The following PLCG2 variants were observed in gnomAD, a reference collection of about 807,000 sequenced individuals.
PLCG2 encodes phospholipase C gamma 2.
Under a neutral mutation model 175.6 loss-of-function variants are expected in PLCG2, and 69 were observed. The observed-to-expected ratio is 0.39, with a 90% CI of 0.32 to 0.48. PLCG2 has a LOEUF of 0.48. Among genes scored for constraint, PLCG2 ranks in the 20% least tolerant of loss-of-function variants. PLCG2 has a pLI of 0.91. For missense variants in PLCG2, 1,798 were observed against 1,650.9 expected (o/e 1.09, Z -1.54); for synonymous variants, 827 against 624.0 (o/e 1.33, Z -4.85).
intron 2 of PLCG2, among the ~76,000 whole-genome samples, chr16:81,788,568 G>T (rs1247409051): frequency 6.6e-6 from 1 of 152,192 alleles, no homozygotes; most frequent in African/African-American, 2.4e-5. Context: ...CCCACTGTCT[G>T]TTTCAGCCAC....
intron 5 of PLCG2, among the ~76,000 whole-genome samples, chr16:81,861,616 G>A (rs1337856577): frequency 6.6e-6 from 1 of 152,192 alleles, no homozygotes; most frequent in African/African-American, 2.4e-5. Context: ...AGGTGCTTGT[G>A]TTGGAAGATT....
At chr16:81,952,815 T>G (rs1471240103) in intron 31 of PLCG2, among the ~76,000 whole-genome samples, 1 of 152,190 alleles carries the variant, frequency 6.6e-6, no homozygotes, top group Non-Finnish European at 1.5e-5. Flanking sequence ...TACTGATGAA[T>G]GCAAAATGAA....
At position 81,857,091 on chromosome 16, in the gene PLCG2, C is replaced by T. The variant is rs541544147; in HGVS notation, c.338-1172C>T. On this transcript the variant is annotated intron_variant, in intron 3 of 32. Transcript: ENST00000564138. ...AAAATAAATCTATATTACTTTAAGT[C>T]ACTAAGTTTGTGGTCATTTGTTATA... is the stretch of plus-strand genomic sequence containing the variant. Among the ~76,000 whole-genome samples, 155 of 135,570 alleles carry T rather than the reference C, an allele frequency of 1.1e-3. 1 individual carries two copies. The highest frequency in any genetic ancestry group is 3.9e-3 in the African/African-American group (154 of 39,602). The allele number at this position is 135,570 out of a possible 152,430, so 88.9% of individuals were successfully genotyped here.
intron 5 of PLCG2, among the ~76,000 whole-genome samples, chr16:81,863,910 G>T (rs962447457): frequency 4.6e-5 from 7 of 152,168 alleles, no homozygotes; most frequent in African/African-American, 7.2e-5. Flanking sequence ...ATCTCATTCA[G>T]CGTGAATGCA....
chr16:81,913,467 C>T (rs1454489867), intron 19 of PLCG2, among the ~76,000 whole-genome samples: 2 of 152,202 alleles, frequency 1.3e-5, no homozygotes, highest in South Asian at 2.1e-4. Context: ...TGGAGTCACA[C>T]AGCCTCATAG....
At chr16:81,774,420 C>T (rs1179149657), upstream of PLCG2, among the ~76,000 whole-genome samples, 1 of 152,124 alleles carries the variant, frequency 6.6e-6, no homozygotes, top group Non-Finnish European at 1.5e-5. Flanking sequence ...GAGGGGTCTG[C>T]CCTCCCCTAC....
intron 22 of PLCG2, among the ~76,000 whole-genome samples, chr16:81,925,734 A>T (rs1267031479): frequency 6.6e-6 from 1 of 152,088 alleles, no homozygotes; most frequent in Admixed American, 6.5e-5. Flanking sequence ...CTAAAAATAC[A>T]AAAATTAGCC....
At chr16:81,830,647 GGTGTGT>G (rs58171961) in intron 2 of PLCG2, among the ~76,000 whole-genome samples, 58,798 of 149,440 alleles carry the variant, frequency 0.39, 13,025 homozygotes, top group African/African-American at 0.62. Flanking sequence ...AAATGTGTGG[GGTGTGT>G]GTGTGTGTGT....
intron 26 of PLCG2, chr16:81,935,425 TTA>T: frequency 3.5e-6 from 2 of 566,736 alleles, no homozygotes; most frequent in Non-Finnish European, 4.4e-6. Context: ...TGGGGGCCAT[TTA>T]AAAAAAAAAA....
chr16:81,890,231 A>C (rs994777856), intron 10 of PLCG2, among the ~76,000 whole-genome samples: 13 of 152,176 alleles, frequency 8.5e-5, no homozygotes, highest in African/African-American at 2.9e-4. Context: ...GTTAGTCTCC[A>C]CCTTAGCAGA....
chr16:81,831,630 C>A (rs7194131), intron 2 of PLCG2, among the ~76,000 whole-genome samples: 17,072 of 152,170 alleles, frequency 0.11, 1,044 homozygotes, highest in Middle Eastern at 0.18. Flanking sequence ...GATTTCAGCC[C>A]CAAGCTGTGG....
chr16:81,881,725 A>T (rs915448535), intron 8 of PLCG2, among the ~76,000 whole-genome samples: 14 of 151,760 alleles, frequency 9.2e-5, no homozygotes, highest in African/African-American at 3.4e-4. Context: ...GCTCACTGCA[A>T]CCTCCACCTT....
chr16:81,917,552 C>G (rs879562100), intron 19 of PLCG2, among the ~76,000 whole-genome samples: 4 of 152,172 alleles, frequency 2.6e-5, no homozygotes, highest in Non-Finnish European at 5.9e-5. Context: ...TCCCCACCAG[C>G]ACTTCTCCTT....
At position 81,897,612 on chromosome 16, in the gene PLCG2, C is replaced by T. The variant is rs552223779; in HGVS notation, c.1193+1685C>T. 4.3e-5 allele frequency among the ~76,000 whole-genome samples: 6 copies of T among 141,078 alleles called. No individual in the cohort carries two copies. In the South Asian group the frequency reaches 1.3e-3, roughly 31 times the overall value. The allele number at this position is 141,078 out of a possible 152,430, so 92.6% of individuals were successfully genotyped here. A position where few individuals can be genotyped will look rare whatever the true frequency, so the allele number is the denominator to read the frequency against. On this transcript the variant is annotated intron_variant, in intron 13 of 32. Transcript: ENST00000564138. The stretch of plus-strand genomic sequence containing the variant: ...CCAGGCTAGAGTGCAATGGCAGGAT[C>T]TCGGCTCACTGCAACCTCCACCTCC...
At chr16:81,871,824 G>A (rs547403148) in intron 7 of PLCG2, among the ~76,000 whole-genome samples, 1 of 149,698 alleles carries the variant, frequency 6.7e-6, no homozygotes, top group South Asian at 2.2e-4. Context: ...CATTACTTAT[G>A]CTGGCAAAGT....
At chr16:81,956,403 C>T (rs532167255) in intron 31 of PLCG2, among the ~76,000 whole-genome samples, 2 of 152,070 alleles carry the variant, frequency 1.3e-5, no homozygotes, top group African/African-American at 2.4e-5. Context: ...AAAGGAAAAC[C>T]GGGTTAGATT....
At chr16:81,744,903 A>C (rs1220852632) in intron 1 of PLCG2, among the ~76,000 whole-genome samples, 1 of 152,158 alleles carries the variant, frequency 6.6e-6, no homozygotes, top group Non-Finnish European at 1.5e-5. Context: ...GGAGAGGTGA[A>C]AAAGGGGGCC....
At chr16:81,886,600 C>T (rs575640686) in intron 9 of PLCG2, among the ~76,000 whole-genome samples, 52 of 152,246 alleles carry the variant, frequency 3.4e-4, no homozygotes, top group African/African-American at 1.2e-3. Context: ...CGCCATAGTA[C>T]AGCTCTGGGA....
chr16:81,802,905 C>T (rs1177061458), intron 2 of PLCG2, among the ~76,000 whole-genome samples: 1 of 152,108 alleles, frequency 6.6e-6, no homozygotes, highest in African/African-American at 2.4e-5. Flanking sequence ...TTAATGTATA[C>T]TGTTAAGTGG....
Sources: gnomAD v4.1 joint callset for allele counts (sites outside exome capture counted in the v4.1 genomes callset) on GRCh38, gnomAD v4.1.1 for gene constraint, MANE v1.5 for transcripts, NCBI Gene and HGNC (gene_info 2026-07-23, HGNC 2026-07-21) for gene names.